Variants in CD6 observed in about 807,000 individuals in gnomAD.
CD6 encodes T-cell differentiation antigen CD6.
In CD6, 53 loss-of-function variants were observed where a neutral mutation model predicts 75.3. That is an observed-to-expected ratio of 0.70 (90% confidence interval 0.56 to 0.88). CD6 has a LOEUF of 0.88. CD6 is among the 40% of genes least tolerant of loss of function. The pLI is 0.00. For missense variants in CD6, 770 were observed against 897.1 expected, an observed-to-expected ratio of 0.86 and a Z score of 1.81; for synonymous variants, 359 against 381.5, an observed-to-expected ratio of 0.94 and a Z score of 0.69.
Position 61,019,427 on chromosome 11 carries a change from G to A in CD6, c.*109G>A, listed in dbSNP as rs527682457. The A allele has an allele frequency of 3.0e-5, 25 of 824,030 alleles. No homozygotes were observed. In the East Asian group the frequency reaches 3.5e-4, roughly 11 times the overall value. 51.0% of individuals were successfully genotyped at this position (824,030 alleles called of 1,614,324 possible). A position where few individuals can be genotyped will look rare whatever the true frequency, so the allele number is the denominator to read the frequency against. On this transcript the variant is annotated 3_prime_UTR_variant, in exon 13 of 13. Transcript: ENST00000313421. ...CCAGCTCACCTCCCCATGGAGCTGA[G>A]AGGCCTCCCTTGGAGAGATGGAAGG...
chr11:60,987,344 C>T (rs564001205), intron 1 of CD6, among the ~76,000 whole-genome samples: 1 of 152,312 alleles, frequency 6.6e-6, no homozygotes, highest in East Asian at 1.9e-4. Context: ...GTCCAAATTT[C>T]CCACTTCTGT....
intron 4 of CD6, 29 bp from the exon 5 acceptor site, chr11:61,009,543 T>TGACTCTGTCCCCTGCCCC: frequency 6.4e-7 from 1 of 1,553,646 alleles, no homozygotes; most frequent in Non-Finnish European, 8.7e-7. Flanking sequence ...GATTCTGACC[T>TGACTCTGTCCCCTGCCCC]GACTCTGTCC....
chr11:61,014,566 C>T (rs1859312049), intron 8 of CD6, among the ~76,000 whole-genome samples: 1 of 152,094 alleles, frequency 6.6e-6, no homozygotes. Flanking sequence ...GAAACCCTGT[C>T]TCTACAAAAA....
Position 61,008,717 on chromosome 11 carries a change from C to T in CD6, c.653C>T (p.Pro218Leu), listed in dbSNP as rs981309422. Residue 218 changes from proline to leucine, a missense_variant, in exon 4 of 13, where the codon CCC becomes CTC. Pro to Leu is a moderately conservative substitution (Grantham distance 98, BLOSUM62 -3). Coordinates refer to ENST00000313421, the MANE Select transcript of CD6 (RefSeq NM_006725.5). ...VQALPGLHFT[P>L]GRGPIHRDQV... Reference sequence around the variant, plus strand: ...GCCCTGCCCGGCTTGCACTTCACGCCCGGCCGCGGGCCTATCCACCGGGAC... The same window carrying T: ...GCCCTGCCCGGCTTGCACTTCACGCTCGGCCGCGGGCCTATCCACCGGGAC... 9 of 1,608,096 alleles carry T rather than the reference C, an allele frequency of 5.6e-6. No individual in the cohort carries two copies. Among genetic ancestry groups the T allele is most frequent in the African/African-American group, 4.0e-5 (3 of 74,864 alleles).
At chr11:60,995,125 CT>C (rs11334582) in intron 1 of CD6, among the ~76,000 whole-genome samples, 51,269 of 148,546 alleles carry the variant, frequency 0.35, 9,373 homozygotes, top group Middle Eastern at 0.52. Flanking sequence ...GCGCATGCGT[CT>C]TTTTTTTTTT....
intron 8 of CD6, 37 bp downstream of exon 8, chr11:61,014,051 G>C: frequency 2.0e-6 from 3 of 1,515,588 alleles, no homozygotes; most frequent in Non-Finnish European, 2.7e-6. Context: ...GGAGGGCTGG[G>C]GAGGACAAGA....
chr11:60,977,337 C>T (rs944629912), intron 1 of CD6, among the ~76,000 whole-genome samples: 1 of 150,360 alleles, frequency 6.7e-6, no homozygotes, highest in Non-Finnish European at 1.5e-5. Flanking sequence ...CCATCCTCTC[C>T]CTGCCTGGAC....
intron 10 of CD6, 91 bp downstream of exon 10, chr11:61,017,641 C>T (rs896036451): frequency 6.4e-7 from 1 of 1,571,348 alleles, no homozygotes; most frequent in Non-Finnish European, 8.8e-7. Flanking sequence ...GAACCTCCCT[C>T]AATGAGTCTT....
Position 61,008,738 on chromosome 11 carries a change from G to A in CD6, c.674G>A (p.Arg225Gln), listed in dbSNP as rs781088990. 10 of 1,607,512 alleles carry A rather than the reference G, an allele frequency of 6.2e-6. No homozygotes were observed. The highest frequency in any genetic ancestry group is 8.5e-6 in the Non-Finnish European group (10 of 1,176,752). ...HFTPGRGPIH[R>Q]DQVNCSGAEA... ...ACGCCCGGCCGCGGGCCTATCCACC[G>A]GGACCAGGTGAACTGCTCGGGGGCC... Residue 225 changes from arginine (R) to glutamine (Q), a missense_variant, in exon 4 of 13, where the codon CGG becomes CAG. By Grantham distance (43) the Arg-to-Gln change is conservative. Coordinates refer to ENST00000313421, the MANE Select transcript of CD6 (RefSeq NM_006725.5).
chr11:61,006,123 T>G (rs181295493), intron 1 of CD6, among the ~76,000 whole-genome samples: 76 of 152,300 alleles, frequency 5.0e-4, no homozygotes, highest in Non-Finnish European at 1.2e-4. Flanking sequence ...TAAACAAAAT[T>G]TTCTTTTTCT....
rs2135158061 is a variant in CD6, at chr11:61,007,119, C to T, written c.119-441C>T. Among the ~76,000 whole-genome samples the T allele has an allele frequency of 6.6e-6, 1 of 152,244 alleles. No individual in the cohort carries two copies. Among genetic ancestry groups the T allele is most frequent in the South Asian group, 2.1e-4 (1 of 4,810 alleles). ...CCATGGCCAGCCGCTTCACAATCCT[C>T]CAAGGTTCCCTAGTCACTGTGACAG... On this transcript the variant is annotated intron_variant, in intron 2 of 12. Coordinates refer to ENST00000313421, the MANE Select transcript of CD6 (RefSeq NM_006725.5). This position sits in a 1 kb window ranked among gnomAD's most constrained non-coding sequence, Gnocchi z 4.2.
intron 1 of CD6, among the ~76,000 whole-genome samples, chr11:60,996,842 A>C (rs1026759818): frequency 2.0e-5 from 3 of 152,196 alleles, no homozygotes; most frequent in African/African-American, 7.2e-5. Context: ...CAGATTTTGC[A>C]ATATTTCTGA....
At chr11:60,991,410 C>T (rs1332173389) in intron 1 of CD6, among the ~76,000 whole-genome samples, 1 of 152,092 alleles carries the variant, frequency 6.6e-6, no homozygotes, top group Non-Finnish European at 1.5e-5. Context: ...GCCTCAGCCT[C>T]CCAAAGTGCT....
At chr11:61,011,778 C>T (rs764199378) in intron 6 of CD6, among the ~76,000 whole-genome samples, 7 of 152,190 alleles carry the variant, frequency 4.6e-5, no homozygotes, top group Non-Finnish European at 8.8e-5. Flanking sequence ...AGCAGACTCC[C>T]AGGACTCAAC....
intron 1 of CD6, among the ~76,000 whole-genome samples, chr11:60,976,978 C>T (rs543883915): frequency 2.6e-5 from 4 of 152,238 alleles, no homozygotes; most frequent in East Asian, 1.9e-4. Context: ...ATCTTTCTCC[C>T]GGCTTAGCTT....
chr11:61,013,975 A>G lies in CD6; in HGVS notation c.1348A>G (p.Asn450Asp). ...HLPTTIPAGS[N>D]SYQPVPITIP... ...ACCCACCACCATCCCGGCAGGGAGC[A>G]ATAGCTATCAACCGGTCCCCATCAC... is the stretch of plus-strand genomic sequence containing the variant. Residue 450 changes from asparagine (N) to aspartate (D), a missense_variant, in exon 8 of 13, where the codon AAT becomes GAT. Coordinates refer to ENST00000313421, the MANE Select transcript of CD6 (RefSeq NM_006725.5). 6.2e-7 allele frequency: 1 copy of G among 1,613,874 alleles called. No homozygotes were observed.
At chr11:60,999,998 A>T (rs1858504983) in intron 1 of CD6, among the ~76,000 whole-genome samples, 1 of 152,020 alleles carries the variant, frequency 6.6e-6, no homozygotes, top group South Asian at 2.1e-4. Context: ...GTGGCAGTGA[A>T]CCGAGATCGC....
At chr11:60,988,839 C>T (rs994247719) in intron 1 of CD6, among the ~76,000 whole-genome samples, 6 of 152,210 alleles carry the variant, frequency 3.9e-5, no homozygotes, top group South Asian at 2.1e-4. Flanking sequence ...AGAACCAGGG[C>T]CCCTCCTGAG....
In CD6 at chr11:61,013,870, G is replaced by A. The variant is rs184940498; in HGVS notation, c.1292-49G>A. 8.1e-6 allele frequency: 11 copies of A among 1,363,356 alleles called. No homozygotes were observed. The African/African-American group carries it at 1.1e-4, about 14-fold the overall frequency. The allele number at this position is 1,363,356 out of a possible 1,614,324, so 84.5% of individuals were successfully genotyped here. A position where few individuals can be genotyped will look rare whatever the true frequency, so the allele number is the denominator to read the frequency against. On this transcript the variant is annotated intron_variant, in intron 7 of 12. Coordinates refer to ENST00000313421, the MANE Select transcript of CD6 (RefSeq NM_006725.5). ...GAACAGAACGGAACCAGGTAGACTGGGAGAGGGCAAAAAAATGACTTGTAG... is the reference window on the plus strand; with the variant it reads ...GAACAGAACGGAACCAGGTAGACTGAGAGAGGGCAAAAAAATGACTTGTAG...
Sources: gnomAD v4.1 joint callset for allele counts (sites outside exome capture counted in the v4.1 genomes callset) on GRCh38, gnomAD v4.1.1 for gene constraint, Gnocchi (gnomAD v3.1) non-coding constraint, MANE v1.5 for transcripts, NCBI Gene and HGNC (gene_info 2026-07-23, HGNC 2026-07-21) for gene names.